Variants in GABRG1 observed in about 807,000 individuals in gnomAD.
GABRG1 encodes the protein gamma-aminobutyric acid receptor subunit gamma-1.
In GABRG1, 49 loss-of-function variants were observed where a neutral mutation model predicts 49.8. That is an observed-to-expected ratio of 0.98 (90% CI 0.78 to 1.25). The LOEUF is 1.25. Among genes scored for constraint, GABRG1 ranks in the 50% most tolerant of loss-of-function variants. GABRG1 has a pLI of 0.00. For missense variants in GABRG1, 552 were observed against 552.3 expected, an observed-to-expected ratio of 1.00 and a Z score of 0.01; for synonymous variants, 232 against 185.1, an observed-to-expected ratio of 1.25 and a Z score of -2.06.
chr4:46,102,981 A>C (rs1720429712), intron 1 of GABRG1, among the ~76,000 whole-genome samples: 1 of 151,218 alleles, frequency 6.6e-6, no homozygotes, highest in African/African-American at 2.4e-5. Flanking sequence ...TTTGCCAAGG[A>C]AAATCTTGGT....
At chr4:46,071,968 G>A (rs1236816454) in intron 3 of GABRG1, among the ~76,000 whole-genome samples, 3 of 151,942 alleles carry the variant, frequency 2.0e-5, no homozygotes, top group Admixed American at 1.3e-4. Context: ...TAATGTCCAG[G>A]CCTTCACATT....
chr4:46,097,177 C>A (rs1283355728), intron 2 of GABRG1, 24 bp downstream of exon 2: 1 of 1,583,872 alleles, frequency 6.3e-7, no homozygotes, highest in Non-Finnish European at 8.6e-7. Context: ...TCATCAAAAT[C>A]CCAGAATGGT....
At position 46,038,124 on chromosome 4, in the gene GABRG1, T is replaced by A. The variant is rs1166477488; in HGVS notation, c.*2864A>T. ...AAATGCCTCCAATTAGTTATCTAAT[T>A]CCCACTTACATCAAGACTTCAGACT... On this transcript the variant is annotated 3_prime_UTR_variant, in exon 9 of 9. Transcript: ENST00000295452. 1 of 151,674 alleles carries A rather than the reference T, an allele frequency of 6.6e-6. No homozygotes were observed. Among genetic ancestry groups the A allele is most frequent in the Non-Finnish European group, 1.5e-5 (1 of 67,700 alleles). The allele number at this position is 151,674 out of a possible 1,614,324, so 9.4% of individuals were successfully genotyped here. A position where few individuals can be genotyped will look rare whatever the true frequency, so the allele number is the denominator to read the frequency against.
In GABRG1 at chr4:46,045,759, G is replaced by A. The variant is rs576879906; in HGVS notation, c.1132-4505C>T. Among the ~76,000 whole-genome samples, 867 of 152,060 alleles carry A rather than the reference G, an allele frequency of 5.7e-3. 4 individuals are homozygous for A. The highest frequency in any genetic ancestry group is 9.8e-3 in the Non-Finnish European group (663 of 67,994). ...ATTTTTTGTATTTTTGTAGAGACGG[G>A]TTTCACCATGTTGGCCAGGATGGAC... is the stretch of plus-strand genomic sequence containing the variant. On this transcript the variant is annotated intron_variant, in intron 8 of 8. Transcript: ENST00000295452.
chr4:46,049,837 G>C lies in GABRG1; in HGVS notation c.1131+1587C>G, dbSNP rs949522436. ...GTCAAACTGATTAGCTACCATCCTA[G>C]AGTAGCCATGTTTTGGTTGTGTCCT... On this transcript the variant is annotated intron_variant, in intron 8 of 8. Coordinates refer to ENST00000295452, the MANE Select transcript of GABRG1 (RefSeq NM_173536.4). 5.3e-5 allele frequency among the ~76,000 whole-genome samples: 8 copies of C among 151,856 alleles called. No individual in the cohort carries two copies. The East Asian group carries it at 1.5e-3, about 29-fold the overall frequency.
intron 6 of GABRG1, 45 bp from the exon 7 acceptor site, chr4:46,058,414 C>T (rs576537296): frequency 1.3e-6 from 2 of 1,594,324 alleles, no homozygotes; most frequent in African/African-American, 2.7e-5. Context: ...ATATAAATCA[C>T]AATCCATATA....
chr4:46,123,931 G>C lies in GABRG1; in HGVS notation c.-18C>G, dbSNP rs763854110. ...GGACCCATCGGAATCGCTTTTTTAC[G>C]TGTGCTGCACTAGCTCAATTCTCCC... On this transcript the variant is annotated 5_prime_UTR_variant, in exon 1 of 9. Coordinates refer to ENST00000295452, the MANE Select transcript of GABRG1 (RefSeq NM_173536.4). 3.2e-6 allele frequency: 5 copies of C among 1,582,948 alleles called. 1 individual carries two copies. In the Middle Eastern group the frequency reaches 5.0e-4, roughly 159 times the overall value.
rs533470700 is a variant in GABRG1, at chr4:46,038,393, A to G, written c.*2595T>C. 1 of 151,838 alleles carries G rather than the reference A, an allele frequency of 6.6e-6. No individual in the cohort carries two copies. The highest frequency in any genetic ancestry group is 2.1e-4 in the South Asian group (1 of 4,832). The allele number at this position is 151,838 out of a possible 1,614,324, so 9.4% of individuals were successfully genotyped here. On this transcript the variant is annotated 3_prime_UTR_variant, in exon 9 of 9. Coordinates refer to ENST00000295452, the MANE Select transcript of GABRG1 (RefSeq NM_173536.4). Reference sequence around the variant, plus strand: ...TAGGTCTATATAAACAAACATTTTTACAAATGATCTTATTCCTTGTGCTCC... The same window carrying G: ...TAGGTCTATATAAACAAACATTTTTGCAAATGATCTTATTCCTTGTGCTCC...
In GABRG1 at chr4:46,041,362, T is replaced by C. The variant is rs1193056847; in HGVS notation, c.1132-108A>G. 3 of 949,462 alleles carry C rather than the reference T, an allele frequency of 3.2e-6. No individual in the cohort carries two copies. In the African/African-American group the frequency reaches 5.0e-5, roughly 16 times the overall value. 58.8% of individuals were successfully genotyped at this position (949,462 alleles called of 1,614,324 possible). ...GGAGACTGACAGGTAATGAAAATAA[T>C]CTTGATTTCAAAAAATCAAGTATTT... On this transcript the variant is annotated intron_variant, in intron 8 of 8. Coordinates refer to ENST00000295452, the MANE Select transcript of GABRG1 (RefSeq NM_173536.4).
At position 46,038,519 on chromosome 4, in the gene GABRG1, A is replaced by G. The variant is rs952611849; in HGVS notation, c.*2469T>C. 1.3e-5 allele frequency: 2 copies of G among 151,650 alleles called. No homozygotes were observed. Among genetic ancestry groups the G allele is most frequent in the Non-Finnish European group, 3.0e-5 (2 of 67,688 alleles). 9.4% of individuals were successfully genotyped at this position (151,650 alleles called of 1,614,324 possible). ...AATCAAGTTCCAATAAATTCAATAA[A>G]TTATTATATAACTCCCCAGAGAAAG... On this transcript the variant is annotated 3_prime_UTR_variant, in exon 9 of 9. Coordinates refer to ENST00000295452, the MANE Select transcript of GABRG1 (RefSeq NM_173536.4).
chr4:46,080,696 C>T (rs1719531817), intron 3 of GABRG1, among the ~76,000 whole-genome samples: 1 of 151,702 alleles, frequency 6.6e-6, no homozygotes, highest in African/African-American at 2.4e-5. Context: ...ATCCTTGAAT[C>T]TTGTTTCTCT....
intron 7 of GABRG1, among the ~76,000 whole-genome samples, 164 bp downstream of exon 7, chr4:46,058,053 T>C (rs1026927946): frequency 6.6e-6 from 1 of 152,130 alleles, no homozygotes; most frequent in Non-Finnish European, 1.5e-5. Context: ...TTTTCTTTTT[T>C]TACATATCTC....
At chr4:46,094,585 G>A (rs566624417) in intron 2 of GABRG1, among the ~76,000 whole-genome samples, 2 of 151,842 alleles carry the variant, frequency 1.3e-5, no homozygotes, top group Non-Finnish European at 2.9e-5. Flanking sequence ...GTTGTTTCTG[G>A]GCCAAGAAAA....
At chr4:46,096,690 C>T (rs1423623182) in intron 2 of GABRG1, among the ~76,000 whole-genome samples, 1 of 150,648 alleles carries the variant, frequency 6.6e-6, no homozygotes, top group African/African-American at 2.4e-5. Flanking sequence ...GAGAAGGTAA[C>T]CAAAAAAAGT....
intron 8 of GABRG1, among the ~76,000 whole-genome samples, chr4:46,048,041 T>C (rs978969163): frequency 6.6e-6 from 1 of 152,018 alleles, no homozygotes; most frequent in Non-Finnish European, 1.5e-5. Flanking sequence ...AGGTACAACA[T>C]GGTTTTCTGA....
intron 1 of GABRG1, among the ~76,000 whole-genome samples, chr4:46,097,759 T>C (rs1159631407): frequency 6.6e-6 from 1 of 151,504 alleles, no homozygotes; most frequent in Non-Finnish European, 1.5e-5. Flanking sequence ...AAAGATGTAA[T>C]AATTAGTCTG....
At chr4:46,049,446 G>C (rs923011255) in intron 8 of GABRG1, among the ~76,000 whole-genome samples, 22 of 151,784 alleles carry the variant, frequency 1.4e-4, no homozygotes, top group African/African-American at 4.8e-4. Context: ...AAAGAAAAGA[G>C]ACTATCAAAC....
intron 8 of GABRG1, 70 bp from the exon 9 acceptor site, chr4:46,041,324 A>G: frequency 6.9e-7 from 1 of 1,447,372 alleles, no homozygotes; most frequent in Non-Finnish European, 9.5e-7. Flanking sequence ...TTGCTCCTTT[A>G]ACGCAAACTC....
intron 2 of GABRG1, among the ~76,000 whole-genome samples, chr4:46,084,931 T>C (rs13130508): frequency 0.041 from 6,281 of 151,668 alleles, 211 homozygotes; most frequent in Admixed American, 0.077. Flanking sequence ...AAATATAAAA[T>C]TAAGCCAGTT....
Sources: allele counts gnomAD v4.1 joint callset (sites outside exome capture counted in the v4.1 genomes callset), GRCh38; gene constraint gnomAD v4.1.1; transcripts MANE v1.5; gene names NCBI Gene and HGNC (gene_info 2026-07-23, HGNC 2026-07-21).